TSHZ2: variants seen among roughly 807,000 people sequenced by gnomAD.
TSHZ2 encodes teashirt homolog 2.
Under a neutral mutation model 74.4 loss-of-function variants are expected in TSHZ2, and 21 were observed. That is an observed-to-expected ratio of 0.28 (90% confidence interval 0.20 to 0.41). The LOEUF is 0.41. TSHZ2 is among the 10% of genes least tolerant of loss of function. The pLI is 1.00. For synonymous variants in TSHZ2, 540 were observed against 515.3 expected, an observed-to-expected ratio of 1.05 and a Z score of -0.65; for missense variants, 1,244 against 1,293.5, an observed-to-expected ratio of 0.96 and a Z score of 0.59.
At chr20:53,339,228 C>T (rs1980079365) in intron 2 of TSHZ2, among the ~76,000 whole-genome samples, 4 of 152,178 alleles carry the variant, frequency 2.6e-5, no homozygotes, top group Admixed American at 2.6e-4. Flanking sequence ...TCTTAGTCAA[C>T]TCAGGACTCC....
chr20:53,362,321 A>C (rs977664340), intron 2 of TSHZ2, among the ~76,000 whole-genome samples: 1 of 151,914 alleles, frequency 6.6e-6, no homozygotes, highest in Non-Finnish European at 1.5e-5. Flanking sequence ...AGTAGCTGGG[A>C]CTACAGACGC....
chr20:53,456,159 T>C (rs995041068), intron 2 of TSHZ2, among the ~76,000 whole-genome samples: 15 of 151,042 alleles, frequency 9.9e-5, no homozygotes, highest in Non-Finnish European at 2.2e-4. Flanking sequence ...ATGGTTGAAC[T>C]AGTTTACAGT....
At chr20:53,319,504 CAG>C (rs1979162651) in intron 2 of TSHZ2, among the ~76,000 whole-genome samples, 1 of 152,182 alleles carries the variant, frequency 6.6e-6, no homozygotes, top group African/African-American at 2.4e-5. Flanking sequence ...CATCACAGGA[CAG>C]AGAGTGGACA....
At chr20:53,023,619 GTTTTT>G (rs59361462) in intron 1 of TSHZ2, among the ~76,000 whole-genome samples, 6 of 82,458 alleles carry the variant, frequency 7.3e-5, no homozygotes, top group Non-Finnish European at 1.5e-4. Flanking sequence ...CTCGTTTTTT[GTTTTT>G]TTTTTTGCTT....
chr20:53,197,503 C>A (rs1988901432), intron 1 of TSHZ2, among the ~76,000 whole-genome samples: 1 of 152,240 alleles, frequency 6.6e-6, no homozygotes, highest in East Asian at 1.9e-4. Context: ...CAAATCCTCC[C>A]AAAGGTTTAA....
At chr20:53,197,193 T>G (rs373517581) in intron 1 of TSHZ2, among the ~76,000 whole-genome samples, 2 of 152,358 alleles carry the variant, frequency 1.3e-5, no homozygotes, top group East Asian at 3.9e-4. Context: ...AGTGGTTCAT[T>G]ACTGATTTAT....
chr20:53,178,208 G>A (rs185334348), intron 1 of TSHZ2: 38 of 152,356 alleles, frequency 2.5e-4, no homozygotes, highest in African/African-American at 8.4e-4. Context: ...GCAGCAGACA[G>A]CGATGCCACA....
intron 1 of TSHZ2, among the ~76,000 whole-genome samples, chr20:53,248,396 A>C (rs1021237231): frequency 6.6e-6 from 1 of 152,174 alleles, no homozygotes; most frequent in Non-Finnish European, 1.5e-5. Context: ...TATGAAAGAA[A>C]ATTTCTCTAA....
chr20:53,006,669 C>G (rs1008948714), intron 1 of TSHZ2, among the ~76,000 whole-genome samples: 8 of 152,228 alleles, frequency 5.3e-5, no homozygotes, highest in African/African-American at 1.9e-4. Flanking sequence ...TTAAGTAAAT[C>G]ACACGTGGTA....
chr20:53,129,227 T>G (rs1987033368), intron 1 of TSHZ2, among the ~76,000 whole-genome samples: 1 of 152,200 alleles, frequency 6.6e-6, no homozygotes, highest in Non-Finnish European at 1.5e-5. Context: ...TTTCAGTTAT[T>G]TGCGCACCAT....
chr20:53,119,323 T>A (rs1358000764), intron 1 of TSHZ2, among the ~76,000 whole-genome samples: 1 of 152,248 alleles, frequency 6.6e-6, no homozygotes, highest in East Asian at 1.9e-4. Flanking sequence ...TAGATATCGG[T>A]GTCACATCAA....
chr20:53,042,790 G>A (rs973749538), intron 1 of TSHZ2, among the ~76,000 whole-genome samples: 6 of 151,884 alleles, frequency 4.0e-5, no homozygotes, highest in Non-Finnish European at 7.4e-5. Flanking sequence ...GAAAATTTGC[G>A]GAAATCTATC....
At chr20:53,291,200 G>A (rs887033077) in intron 2 of TSHZ2, among the ~76,000 whole-genome samples, 1 of 152,114 alleles carries the variant, frequency 6.6e-6, no homozygotes, top group Admixed American at 6.6e-5. Context: ...GGCTGGGAGC[G>A]GTGGCTCACG....
At chr20:53,185,227 T>G in intron 1 of TSHZ2, 1 of 990,168 alleles carries the variant, frequency 1.0e-6, no homozygotes, top group African/African-American at 1.7e-5. Context: ...TCATTTAGCC[T>G]GTTTCTCCAA....
chr20:53,114,460 G>A (rs1352444373), intron 1 of TSHZ2, among the ~76,000 whole-genome samples: 1 of 151,856 alleles, frequency 6.6e-6, no homozygotes, highest in African/African-American at 2.4e-5. Context: ...AAGAAGAAAC[G>A]AGATGATCAA....
At chr20:53,082,375 A>G (rs1985564401) in intron 1 of TSHZ2, among the ~76,000 whole-genome samples, 1 of 152,206 alleles carries the variant, frequency 6.6e-6, no homozygotes, top group African/African-American at 2.4e-5. Flanking sequence ...CTCGTGATTA[A>G]GTAGAGTTGG....
At chr20:53,269,973 G>A (rs553031732) in intron 2 of TSHZ2, among the ~76,000 whole-genome samples, 1 of 152,138 alleles carries the variant, frequency 6.6e-6, no homozygotes, top group East Asian at 1.9e-4. Flanking sequence ...TCATCTCTGA[G>A]AGGTAGATGG....
chr20:53,124,706 A>G (rs1293720336), intron 1 of TSHZ2, among the ~76,000 whole-genome samples: 1 of 152,194 alleles, frequency 6.6e-6, no homozygotes, highest in Non-Finnish European at 1.5e-5. Flanking sequence ...TTTGCATTTT[A>G]TCTTCACAAC....
Position 53,106,762 on chromosome 20 carries a change from A to G in TSHZ2, c.40+133429A>G, listed in dbSNP as rs138283418. ...GCCCAGGCTAGGGTGCAGTGGCACT[A>G]TCTTGGCTCAATGCAACCTCCACCT... is the stretch of plus-strand genomic sequence containing the variant. On this transcript the variant is annotated intron_variant, in intron 1 of 2. Transcript: ENST00000371497. Among the ~76,000 whole-genome samples the G allele has an allele frequency of 7.9e-3, 1,105 of 139,986 alleles. 18 individuals carry two copies. The highest frequency in any genetic ancestry group is 0.03 in the African/African-American group (1,074 of 36,284). 91.8% of individuals were successfully genotyped at this position (139,986 alleles called of 152,430 possible). A position where few individuals can be genotyped will look rare whatever the true frequency, so the allele number is the denominator to read the frequency against.
Sources: gnomAD v4.1 joint callset for allele counts (sites outside exome capture counted in the v4.1 genomes callset) on GRCh38, gnomAD v4.1.1 for gene constraint, MANE v1.5 for transcripts, NCBI Gene and HGNC (gene_info 2026-07-23, HGNC 2026-07-21) for gene names.